Variants in SPATA24 observed in about 807,000 individuals in gnomAD.
The protein encoded by SPATA24 is spermatogenesis associated 24, also known as spermatogenesis-associated protein 24.
Under a neutral mutation model 28.9 loss-of-function variants are expected in SPATA24, and 21 were observed. That is an observed-to-expected ratio of 0.73 (90% CI 0.52 to 1.05). The LOEUF (loss-of-function observed/expected upper bound fraction) is 1.05, where lower values mean the gene tolerates loss of function less well. Among genes scored for constraint, SPATA24 ranks in the 50% least tolerant of loss-of-function variants. The pLI, the probability that SPATA24 is intolerant of heterozygous loss-of-function variation, is 0.00. For synonymous variants in SPATA24, 76 were observed against 89.9 expected, an observed-to-expected ratio of 0.85 and a Z score of 0.88; for missense variants, 215 against 242.9, an observed-to-expected ratio of 0.88 and a Z score of 0.76.
chr5:139,398,218 G>A (rs1008254601), intron 4 of SPATA24, among the ~76,000 whole-genome samples: 2 of 152,178 alleles, frequency 1.3e-5, no homozygotes, highest in Non-Finnish European at 2.9e-5. Context: ...TTTCAAAGAT[G>A]GGGAAAGAGA....
At chr5:139,395,958 T>C (rs1354878165), downstream of SPATA24, among the ~76,000 whole-genome samples, 3 of 152,186 alleles carry the variant, frequency 2.0e-5, no homozygotes, top group Non-Finnish European at 4.4e-5. Context: ...CCCACAGCCT[T>C]AGGACCTGCC....
downstream of SPATA24, chr5:139,393,190 A>C (rs1319364036): frequency 7.7e-6 from 12 of 1,549,640 alleles, no homozygotes; most frequent in Non-Finnish European, 1.0e-5. Context: ...CGTGGTCTTC[A>C]CCAACTTGCG....
chr5:139,394,474 C>T (rs1191756156), downstream of SPATA24: 2 of 1,422,642 alleles, frequency 1.4e-6, no homozygotes, highest in East Asian at 5.6e-5. Flanking sequence ...GGGCACTGTC[C>T]GGGGCCTGGC....
downstream of SPATA24, chr5:139,394,431 CTG>C: frequency 3.6e-6 from 5 of 1,395,386 alleles, no homozygotes; most frequent in Non-Finnish European, 4.6e-6. Context: ...TTGGGGGACT[CTG>C]GGGCCGGGGG....
intron 4 of SPATA24, among the ~76,000 whole-genome samples, chr5:139,398,075 A>G (rs1250575151): frequency 6.6e-6 from 1 of 152,234 alleles, no homozygotes. Flanking sequence ...AGGACTCAGA[A>G]AAAAGACCTA....
chr5:139,394,648 G>A (rs1006776469), downstream of SPATA24: 9 of 1,534,828 alleles, frequency 5.9e-6, no homozygotes, highest in East Asian at 2.0e-4. Context: ...TGGCCCCGGC[G>A]GCAAGGGGCT....
downstream of SPATA24, chr5:139,393,371 A>C (rs779658454): frequency 6.4e-7 from 1 of 1,551,550 alleles, no homozygotes; most frequent in South Asian, 1.2e-5. Context: ...GCAAGATCTG[A>C]AATTTCCCGC....
At chr5:139,395,023 G>A (rs909338870), downstream of SPATA24, 9 of 1,445,022 alleles carry the variant, frequency 6.2e-6, no homozygotes, top group Non-Finnish European at 8.2e-6. Flanking sequence ...CCGCGCGGGG[G>A]CCGTGGGCAG....
chr5:139,392,518 G>A, downstream of SPATA24: 2 of 1,345,710 alleles, frequency 1.5e-6, no homozygotes, highest in Non-Finnish European at 1.9e-6. The surrounding 1 kb of genome is among the most constrained non-coding windows in gnomAD (Gnocchi z 5.8). Context: ...GGGAGGCGCC[G>A]AGGCAGCGCG....
chr5:139,394,882 G>A (rs1053522819), downstream of SPATA24: 257 of 1,515,744 alleles, frequency 1.7e-4, no homozygotes, highest in Non-Finnish European at 2.2e-4. Context: ...GCGAGGCTGC[G>A]CGCCCGCCCC....
At chr5:139,392,833 C>T, downstream of SPATA24, 3 of 1,532,316 alleles carry the variant, frequency 2.0e-6, no homozygotes, top group African/African-American at 1.4e-5. This position sits in a 1 kb window ranked among gnomAD's most constrained non-coding sequence, Gnocchi z 5.8. Context: ...CGCTCGCACT[C>T]GCGAGGTTAC....
At chr5:139,393,658 G>T, downstream of SPATA24, 1 of 1,550,762 alleles carries the variant, frequency 6.4e-7, no homozygotes, top group Non-Finnish European at 8.7e-7. Flanking sequence ...CAGGGAAGGG[G>T]CTTCGAGGGA....
downstream of SPATA24, chr5:139,396,112 C>G: frequency 1.1e-6 from 1 of 926,438 alleles, no homozygotes; most frequent in Non-Finnish European, 1.3e-6. Context: ...ACTGCCCCCT[C>G]CTGTGCACTT....
At position 139,402,700 on chromosome 5, in the gene SPATA24, C is replaced by T. The variant is rs1462688146; in HGVS notation, c.118-7G>A. 1 of 1,551,746 alleles carries T rather than the reference C, an allele frequency of 6.4e-7. No homozygotes were observed. Among genetic ancestry groups the T allele is most frequent in the Non-Finnish European group, 8.7e-7 (1 of 1,146,908 alleles). On this transcript the variant is annotated splice_polypyrimidine_tract_variant and splice_region_variant and intron_variant, in intron 1 of 5. Transcript: ENST00000450845. ...TTTCGTCCTGGAGAACCATCTGCAA[C>T]AGAGCCTGGCTGAGGGAGGGCCTGG...
Position 139,397,190 on chromosome 5 carries a change from C to T in SPATA24, c.386-47G>A, listed in dbSNP as rs969144641. 3.5e-6 allele frequency: 5 copies of T among 1,448,776 alleles called. No individual in the cohort carries two copies. The African/African-American group carries it at 5.6e-5, about 16-fold the overall frequency. 89.7% of individuals were successfully genotyped at this position (1,448,776 alleles called of 1,614,324 possible). On this transcript the variant is annotated intron_variant, in intron 4 of 5. Transcript: ENST00000450845. ...AGGAGGGGTGGTTCCCATCCCAGGGCTCCTTCCTGAGATAAGGCATTCCCT... is the reference window on the plus strand; with the variant it reads ...AGGAGGGGTGGTTCCCATCCCAGGGTTCCTTCCTGAGATAAGGCATTCCCT...
downstream of SPATA24, chr5:139,393,241 G>A (rs753455003): frequency 6.5e-7 from 1 of 1,549,124 alleles, no homozygotes; most frequent in Non-Finnish European, 8.7e-7. Context: ...CGGGCGTCCC[G>A]AGGCCGCCTC....
chr5:139,403,829 G>T, intron 1 of SPATA24, 115 bp downstream of exon 1: 1 of 870,886 alleles, frequency 1.1e-6, no homozygotes, highest in Non-Finnish European at 1.8e-6. Context: ...TCCTCCTGAT[G>T]ACGCCATGGG....
At chr5:139,402,188 T>C in intron 2 of SPATA24, 143 bp from the exon 3 acceptor site, 3 of 1,029,816 alleles carry the variant, frequency 2.9e-6, no homozygotes, top group Non-Finnish European at 4.1e-6. Flanking sequence ...GGGCTGGAGG[T>C]TCTCAGAGGC....
chr5:139,395,093 A>C (rs1758675786), downstream of SPATA24: 2 of 1,392,610 alleles, frequency 1.4e-6, no homozygotes, highest in South Asian at 1.6e-5. Context: ...GTGGGGCCGG[A>C]CGCCGTGCAC....
Sources: allele counts gnomAD v4.1 joint callset (sites outside exome capture counted in the v4.1 genomes callset), GRCh38; gene constraint gnomAD v4.1.1; non-coding constraint Gnocchi (gnomAD v3.1); transcripts MANE v1.5; gene names NCBI Gene and HGNC (gene_info 2026-07-23, HGNC 2026-07-21).